MTMR10: variants seen among roughly 807,000 people sequenced by gnomAD.
MTMR10 encodes myotubularin related protein 10.
In MTMR10, 56 loss-of-function variants were observed where a neutral mutation model predicts 88.1. That is an observed-to-expected ratio of 0.64 (90% CI 0.51 to 0.79). MTMR10 has a LOEUF of 0.79. Among genes scored for constraint, MTMR10 ranks in the 30% least tolerant of loss-of-function variants. The pLI, the probability that MTMR10 is intolerant of heterozygous loss-of-function variation, is 0.00. For missense variants in MTMR10, 883 were observed against 924.7 expected, an observed-to-expected ratio of 0.95 and a Z score of 0.58; for synonymous variants, 380 against 340.9, an observed-to-expected ratio of 1.11 and a Z score of -1.26.
intron 2 of MTMR10, 96 bp downstream of exon 2, chr15:30,990,681 G>A: frequency 7.8e-6 from 8 of 1,023,740 alleles, no homozygotes; most frequent in Non-Finnish European, 7.3e-6. Flanking sequence ...AGTTTAATGA[G>A]AGAAGGGAAG....
intron 6 of MTMR10, among the ~76,000 whole-genome samples, chr15:30,967,270 GT>G (rs766003476): frequency 3.0e-4 from 46 of 152,240 alleles, no homozygotes; most frequent in South Asian, 2.9e-3. Flanking sequence ...TTTAAAAATT[GT>G]TTATTAAAAT....
the MTMR10 span, chr15:30,922,498 C>A: frequency 1.1e-6 from 1 of 886,332 alleles, no homozygotes; most frequent in Non-Finnish European, 1.7e-6. Context: ...TGTGTTCTTC[C>A]AACCCCAAAA....
chr15:30,929,542 CATAT>C, the MTMR10 span: 3 of 202,538 alleles, frequency 1.5e-5, no homozygotes, highest in Non-Finnish European at 2.7e-5. Flanking sequence ...TAGTATATAT[CATAT>C]ATAAAATATA....
At chr15:30,957,385 G>GA (rs1408802917) in intron 9 of MTMR10, among the ~76,000 whole-genome samples, 1 of 152,200 alleles carries the variant, frequency 6.6e-6, no homozygotes, top group Non-Finnish European at 1.5e-5. Context: ...CTTTAGAGGG[G>GA]AGAGAAGGCT....
the MTMR10 span, chr15:30,930,726 A>AGAG: frequency 8.7e-5 from 139 of 1,590,756 alleles, 1 homozygote; most frequent in African/African-American, 1.7e-3. Flanking sequence ...CAACTGAATC[A>AGAG]GAGGCCACAA....
chr15:30,964,564 G>C (rs555947395), intron 6 of MTMR10, among the ~76,000 whole-genome samples: 4 of 152,282 alleles, frequency 2.6e-5, no homozygotes, highest in African/African-American at 7.2e-5. Context: ...GCTCATTACA[G>C]AATGTGTAAT....
intron 14 of MTMR10, chr15:30,943,704 G>A (rs1242612912): frequency 5.1e-6 from 5 of 985,174 alleles, no homozygotes; most frequent in South Asian, 4.7e-5. Context: ...CTCTGGGCGG[G>A]TGCAGCCTAG....
intron 2 of MTMR10, among the ~76,000 whole-genome samples, chr15:30,985,040 C>T (rs1406528583): frequency 6.6e-6 from 1 of 152,230 alleles, no homozygotes; most frequent in East Asian, 1.9e-4. Context: ...ATCAAGCACA[C>T]ACTCAATACC....
rs2140982770 is a variant in MTMR10, at chr15:30,940,705, GGCTATGAA to G, written c.*757_*764del. On this transcript the variant is annotated 3_prime_UTR_variant, in exon 16 of 16. Transcript: ENST00000435680. ...GAGGAACAAGACTCTGGGGACTCCT[GGCTATGAA>G]GCTTAGTATGAAAAGCCTATTTCAA... The G allele has an allele frequency of 1.0e-6, 1 of 988,304 alleles. No homozygotes were observed. Among genetic ancestry groups the G allele is most frequent in the Admixed American group, 6.1e-5 (1 of 16,470 alleles). 61.2% of individuals were successfully genotyped at this position (988,304 alleles called of 1,614,324 possible).
At chr15:30,975,623 G>A (rs759171355) in intron 3 of MTMR10, among the ~76,000 whole-genome samples, 7 of 152,124 alleles carry the variant, frequency 4.6e-5, no homozygotes, top group Admixed American at 2.6e-4. Context: ...ATAAGCTACT[G>A]TCCCTACACA....
chr15:30,954,926 C>A, intron 9 of MTMR10, 33 bp from the exon 10 acceptor site: 1 of 1,502,942 alleles, frequency 6.7e-7, no homozygotes, highest in South Asian at 1.3e-5. Context: ...AGTCATTACT[C>A]ATTCATTTCA....
the MTMR10 span, chr15:30,927,161 A>G: frequency 1.1e-6 from 1 of 941,728 alleles, no homozygotes; most frequent in Admixed American, 6.2e-5. Context: ...GTGAGCCAAG[A>G]TTGTGCCACT....
chr15:30,921,749 C>T, the MTMR10 span, among the ~76,000 whole-genome samples: 4 of 152,202 alleles, frequency 2.6e-5, no homozygotes, highest in Admixed American at 2.6e-4. Flanking sequence ...AATGACCGAA[C>T]AGTCTGTACA....
At chr15:30,984,751 G>T (rs975314824) in intron 2 of MTMR10, among the ~76,000 whole-genome samples, 2 of 152,172 alleles carry the variant, frequency 1.3e-5, no homozygotes, top group Non-Finnish European at 2.9e-5. Flanking sequence ...GAATGAAAGT[G>T]CTGTGAGCAC....
the MTMR10 span, among the ~76,000 whole-genome samples, chr15:30,933,824 G>A: frequency 6.6e-6 from 1 of 151,898 alleles, no homozygotes; most frequent in East Asian, 1.9e-4. Flanking sequence ...GTGGCAGTGC[G>A]ATCCTGGATC....
At chr15:30,928,641 C>T in the MTMR10 span, 30 of 1,613,636 alleles carry the variant, frequency 1.9e-5, no homozygotes, top group African/African-American at 3.6e-4. Context: ...CGGATGTCTT[C>T]AGAAACGCCT....
intron 9 of MTMR10, among the ~76,000 whole-genome samples, chr15:30,955,402 T>G (rs528414411): frequency 6.6e-6 from 1 of 152,136 alleles, no homozygotes; most frequent in African/African-American, 2.4e-5. Context: ...TCCCGAGTAG[T>G]TGGGATTACA....
intron 1 of MTMR10, 93 bp from the exon 2 acceptor site, chr15:30,990,930 G>T: frequency 9.5e-7 from 1 of 1,057,126 alleles, no homozygotes; most frequent in Non-Finnish European, 1.4e-6. Flanking sequence ...GATGACACAT[G>T]CGAAAGACAC....
intron 13 of MTMR10, among the ~76,000 whole-genome samples, chr15:30,948,044 T>C (rs2063195989): frequency 6.6e-6 from 1 of 152,222 alleles, no homozygotes; most frequent in South Asian, 2.1e-4. Context: ...TTTTTCAGTA[T>C]TTTATTCAGA....
Sources: allele counts gnomAD v4.1 joint callset (sites outside exome capture counted in the v4.1 genomes callset), GRCh38; gene constraint gnomAD v4.1.1; transcripts MANE v1.5; gene names NCBI Gene and HGNC (gene_info 2026-07-23, HGNC 2026-07-21).